The following CSNK1G1 variants were observed in gnomAD, a reference collection of about 807,000 sequenced individuals.
CSNK1G1 encodes casein kinase 1 gamma 1, also known as casein kinase I isoform gamma-1.
CSNK1G1 carries 22 observed loss-of-function variants against 59.6 expected under a neutral mutation model. The ratio of observed to expected loss-of-function variants is 0.37; its 90% CI spans 0.26 to 0.53. The LOEUF (loss-of-function observed/expected upper bound fraction) is 0.53. Among genes scored for constraint, CSNK1G1 ranks in the 20% least tolerant of loss-of-function variants. The pLI is 0.89. For missense variants in CSNK1G1, 384 were observed against 519.5 expected (o/e 0.74, Z 2.54); for synonymous variants, 179 against 177.1 (o/e 1.01, Z -0.08).
chr15:64,196,703 C>T (rs1285752626), intron 10 of CSNK1G1, among the ~76,000 whole-genome samples: 2 of 151,848 alleles, frequency 1.3e-5, no homozygotes, highest in African/African-American at 2.4e-5. Flanking sequence ...CCGCCCGCCT[C>T]GGCCTCCCAA....
intron 2 of CSNK1G1, among the ~76,000 whole-genome samples, chr15:64,260,225 T>C (rs1337814922): frequency 1.3e-5 from 2 of 152,172 alleles, no homozygotes; most frequent in East Asian, 3.8e-4. Context: ...CTCAATACCC[T>C]ATGGTGCTTA....
At chr15:64,203,628 C>T (rs1363075892) in intron 9 of CSNK1G1, among the ~76,000 whole-genome samples, 9 of 134,754 alleles carry the variant, frequency 6.7e-5, no homozygotes, top group Non-Finnish European at 9.2e-5. Context: ...ACCTGGGAGG[C>T]GGAGGTTGCG....
At chr15:64,320,495 A>G (rs1896500978) in intron 1 of CSNK1G1, among the ~76,000 whole-genome samples, 2 of 151,888 alleles carry the variant, frequency 1.3e-5, no homozygotes, top group East Asian at 1.9e-4. Context: ...CCTGGCCAAC[A>G]TGGGGAAATT....
intron 10 of CSNK1G1, among the ~76,000 whole-genome samples, chr15:64,193,693 C>T (rs2082003522): frequency 6.6e-6 from 1 of 152,066 alleles, no homozygotes; most frequent in Non-Finnish European, 1.5e-5. Flanking sequence ...GGGGATTATT[C>T]CCAGGCTCAA....
chr15:64,308,413 C>T (rs898626833), intron 1 of CSNK1G1, among the ~76,000 whole-genome samples: 3 of 145,472 alleles, frequency 2.1e-5, no homozygotes, highest in Non-Finnish European at 4.5e-5. Context: ...TAGTTATATA[C>T]ACATTTTTAG....
chr15:64,201,821 G>A (rs1305759938), intron 10 of CSNK1G1, among the ~76,000 whole-genome samples: 2 of 150,492 alleles, frequency 1.3e-5, no homozygotes, highest in Admixed American at 6.7e-5. Flanking sequence ...GTATTTTCTT[G>A]TAAAAATGTT....
At chr15:64,241,469 C>G (rs2082692975) in intron 4 of CSNK1G1, among the ~76,000 whole-genome samples, 2 of 152,170 alleles carry the variant, frequency 1.3e-5, no homozygotes, top group South Asian at 2.1e-4. Context: ...ACCTAACAGA[C>G]ATTTACAAAA....
chr15:64,277,664 G>GGTATATTTAATATATTAATATTA (rs1893753401), intron 2 of CSNK1G1, among the ~76,000 whole-genome samples: 10 of 117,574 alleles, frequency 8.5e-5, no homozygotes, highest in African/African-American at 2.6e-4. Context: ...TAGCAATATT[G>GGTATATTTAATATATTAATATTA]ATATATTTAA....
intron 11 of CSNK1G1, among the ~76,000 whole-genome samples, chr15:64,173,040 G>A (rs1339082644): frequency 6.6e-6 from 1 of 152,182 alleles, no homozygotes; most frequent in African/African-American, 2.4e-5. Context: ...GCCGGATGAT[G>A]GAGGGCAGTA....
At chr15:64,230,152 G>A (rs1051031623) in intron 4 of CSNK1G1, among the ~76,000 whole-genome samples, 3 of 151,398 alleles carry the variant, frequency 2.0e-5, no homozygotes, top group Admixed American at 1.3e-4. Flanking sequence ...CTGACGCGCT[G>A]GGCCTCCCAA....
At chr15:64,242,532 G>C (rs1016841597) in intron 4 of CSNK1G1, among the ~76,000 whole-genome samples, 1 of 152,168 alleles carries the variant, frequency 6.6e-6, no homozygotes, top group Non-Finnish European at 1.5e-5. Flanking sequence ...CACACTTCCT[G>C]TGCAGCCTGC....
chr15:64,342,368 A>G (rs1201909858), intron 1 of CSNK1G1, among the ~76,000 whole-genome samples: 1 of 152,230 alleles, frequency 6.6e-6, no homozygotes, highest in African/African-American at 2.4e-5. Context: ...TAAACTCTCA[A>G]TAAATTGCCA....
intron 10 of CSNK1G1, among the ~76,000 whole-genome samples, chr15:64,183,217 C>T (rs1043378142): frequency 6.6e-6 from 1 of 152,108 alleles, no homozygotes; most frequent in Non-Finnish European, 1.5e-5. Context: ...AAATTCTCCT[C>T]GCTACAAATT....
intron 1 of CSNK1G1, among the ~76,000 whole-genome samples, chr15:64,304,383 C>CAAAA (rs3057017): frequency 5.7e-5 from 4 of 70,720 alleles, no homozygotes; most frequent in Admixed American, 1.9e-4. Flanking sequence ...AACTCCACCT[C>CAAAA]AAAAAAAAAA....
At chr15:64,185,833 G>A (rs1336394470) in intron 10 of CSNK1G1, among the ~76,000 whole-genome samples, 6 of 144,066 alleles carry the variant, frequency 4.2e-5, no homozygotes, top group African/African-American at 1.6e-4. Flanking sequence ...CTGCACTCCA[G>A]CCTGGATGAC....
chr15:64,288,175 G>A (rs1042141479), intron 2 of CSNK1G1, among the ~76,000 whole-genome samples: 1 of 151,986 alleles, frequency 6.6e-6, no homozygotes, highest in Non-Finnish European at 1.5e-5. Context: ...AATTCTGAGG[G>A]AAGGAATGAT....
At chr15:64,224,008 C>A (rs2082424341) in intron 4 of CSNK1G1, among the ~76,000 whole-genome samples, 1 of 152,138 alleles carries the variant, frequency 6.6e-6, no homozygotes, top group Admixed American at 6.5e-5. Context: ...TTTTAAAATG[C>A]ACATCAGGTT....
chr15:64,342,693 A>G (rs1408332811), intron 1 of CSNK1G1: 1 of 152,236 alleles, frequency 6.6e-6, no homozygotes, highest in African/African-American at 2.4e-5. Context: ...TGCCTTGGAT[A>G]CATGGAAAAT....
At chr15:64,258,064 C>A (rs1229670880) in intron 3 of CSNK1G1, among the ~76,000 whole-genome samples, 1 of 152,116 alleles carries the variant, frequency 6.6e-6, no homozygotes, top group Non-Finnish European at 1.5e-5. Flanking sequence ...CACAAGCAAG[C>A]TGGATGAGAA....
Sources: gnomAD v4.1 joint callset for allele counts (sites outside exome capture counted in the v4.1 genomes callset) on GRCh38, gnomAD v4.1.1 for gene constraint, MANE v1.5 for transcripts, NCBI Gene and HGNC (gene_info 2026-07-23, HGNC 2026-07-21) for gene names.